The following RHAG variants were observed in gnomAD, a reference collection of about 807,000 sequenced individuals.
RHAG encodes the protein ammonium transporter Rh type A.
Under a neutral mutation model 42.4 loss-of-function variants are expected in RHAG, and 25 were observed. The observed-to-expected ratio is 0.59, with a 90% CI of 0.43 to 0.82. RHAG has a LOEUF of 0.82. Ranked by LOEUF, RHAG falls within the 40% of genes least tolerant of loss-of-function variation. The probability of loss-of-function intolerance (pLI) is 0.00; values close to 1 mark genes in which losing one functional copy is unlikely to be tolerated. For synonymous variants in RHAG, 182 were observed against 177.7 expected, an observed-to-expected ratio of 1.02 and a Z score of -0.19; for missense variants, 483 against 504.6, an observed-to-expected ratio of 0.96 and a Z score of 0.41.
rs899670868 is a variant in RHAG at position 49,618,085 on chromosome 6, C to T, written c.475G>A (p.Val159Ile). 6.8e-6 allele frequency: 11 copies of T among 1,613,856 alleles called. No individual in the cohort carries two copies. The highest frequency in any genetic ancestry group is 2.7e-5 in the African/African-American group (2 of 75,016). ...ACTCTTACCTTAAATATTTCACTAA[C>T]CAGGTATTCATTGTGGGCAAAGAAA... ...IVFFAHNEYLVSEIFKASDIG... is the reference protein window; with the variant it reads ...IVFFAHNEYLISEIFKASDIG... The change falls in exon 3 of 10, where the codon GTT becomes ATT. Residue 159 changes from valine to isoleucine, a missense_variant. Physicochemically the swap from Val to Ile is conservative, Grantham distance 29. Transcript: ENST00000371175.
At chr6:49,616,846 A>G (rs1762665018) in intron 3 of RHAG, among the ~76,000 whole-genome samples, 1 of 152,176 alleles carries the variant, frequency 6.6e-6, no homozygotes, top group Admixed American at 6.5e-5. Flanking sequence ...AGCAACACTT[A>G]GTCCCTTCCC....
intron 1 of RHAG, among the ~76,000 whole-genome samples, chr6:49,629,801 C>T (rs1273410181): frequency 6.6e-6 from 1 of 152,190 alleles, no homozygotes; most frequent in Non-Finnish European, 1.5e-5. Context: ...GTGCTAAGTC[C>T]CTCATTGCCC....
Position 49,636,738 on chromosome 6 carries a change from C to T in RHAG, c.75G>A (p.Glu25=). The change falls in exon 1 of 10, where the codon GAG becomes GAA. Residue 25 remains glutamate (E), a synonymous_variant. Transcript: ENST00000371175. ...CGAGAACAGTCTGGTCCGTTTCATA[C>T]TCAACAAATAATCCAAATAAAACAA... The part of the protein sequence containing the change: ...AMIVLFGLFV[E]YETDQTVLEQ... The T allele has an allele frequency of 6.2e-7, 1 of 1,613,960 alleles. No individual in the cohort carries two copies.
chr6:49,627,555 G>A (rs114430433), intron 1 of RHAG, among the ~76,000 whole-genome samples: 33,399 of 151,978 alleles, frequency 0.22, 4,452 homozygotes, highest in East Asian at 0.36. Flanking sequence ...TCACATTTTC[G>A]GGTATCTTTA....
chr6:49,627,699 G>C (rs1470273141), intron 1 of RHAG, among the ~76,000 whole-genome samples: 3 of 152,198 alleles, frequency 2.0e-5, no homozygotes, highest in African/African-American at 4.8e-5. Flanking sequence ...TGGCTGGGGA[G>C]GCCTCACAAT....
At chr6:49,619,474 A>G in intron 1 of RHAG, 112 bp from the exon 2 acceptor site, 2 of 1,006,320 alleles carry the variant, frequency 2.0e-6, no homozygotes, top group African/African-American at 1.6e-5. Context: ...CACACTAGGA[A>G]AAGAGAGCAT....
chr6:49,626,210 C>T (rs1361077533), intron 1 of RHAG, among the ~76,000 whole-genome samples: 1 of 152,104 alleles, frequency 6.6e-6, no homozygotes, highest in Non-Finnish European at 1.5e-5. Context: ...CTCAAAAGTC[C>T]ACAGTTTCAT....
chr6:49,619,076 C>A (rs765058158), intron 2 of RHAG, 103 bp downstream of exon 2: 34 of 1,322,600 alleles, frequency 2.6e-5, no homozygotes, highest in Non-Finnish European at 3.6e-5. Flanking sequence ...ACCTGGTCAC[C>A]TCCCCAGTCC....
At position 49,636,795 on chromosome 6, in the gene RHAG, A is replaced by G; in HGVS notation, c.18T>C (p.Pro6=). 1 of 1,613,848 alleles carries G rather than the reference A, an allele frequency of 6.2e-7. No individual in the cohort carries two copies. The highest frequency in any genetic ancestry group is 8.5e-7 in the Non-Finnish European group (1 of 1,179,756). MRFTF[P]LMAIVLEIAM... ...CAATTTCCAGGACTATAGCCATGAG[A>G]GGGAATGTGAACCTCATGTTTGTGG... Residue 6 remains proline (P), a synonymous_variant, in exon 1 of 10, where the codon CCT becomes CCC. Transcript: ENST00000371175.
intron 7 of RHAG, among the ~76,000 whole-genome samples, chr6:49,609,794 C>A: frequency 6.6e-6 from 1 of 152,166 alleles, no homozygotes; most frequent in Non-Finnish European, 1.5e-5. Context: ...TTATGCACCT[C>A]TAGTTAGTGA....
At chr6:49,606,231 A>G (rs904184227) in intron 9 of RHAG, among the ~76,000 whole-genome samples, 1 of 152,120 alleles carries the variant, frequency 6.6e-6, no homozygotes, top group African/African-American at 2.4e-5. Context: ...GCTTTTGACT[A>G]CTTTTATGTA....
At chr6:49,627,794 A>C (rs1762864361) in intron 1 of RHAG, among the ~76,000 whole-genome samples, 1 of 152,052 alleles carries the variant, frequency 6.6e-6, no homozygotes, top group Non-Finnish European at 1.5e-5. Context: ...CCCCTTTATA[A>C]AACCATCAGA....
intron 1 of RHAG, among the ~76,000 whole-genome samples, chr6:49,624,564 C>G (rs1762813145): frequency 6.6e-6 from 1 of 152,192 alleles, no homozygotes; most frequent in Admixed American, 6.5e-5. Context: ...TCTATGCTAG[C>G]TAGTAGTTTA....
chr6:49,612,253 A>G (rs1022807598), intron 6 of RHAG, 144 bp downstream of exon 6: 14 of 792,654 alleles, frequency 1.8e-5, no homozygotes, highest in Non-Finnish European at 2.8e-5. Context: ...CTGAAATGGG[A>G]GTGGTATTTC....
In RHAG at chr6:49,614,704, G is replaced by T; in HGVS notation, c.790C>A (p.Arg264=). 1.9e-6 allele frequency: 3 copies of T among 1,613,774 alleles called. No individual in the cohort carries two copies. The highest frequency in any genetic ancestry group is 1.1e-5 in the South Asian group (1 of 91,052). The part of the protein sequence containing the change: ...AFAFSSLVEH[R]GKLNMVHIQN... ...GCACTTACCATGTTGAGCTTGCCTC[G>T]GTGCTCCACTAGGCTGGAGAAGGCA... Residue 264 remains arginine (R), a synonymous_variant, in exon 5 of 10, where the codon CGA becomes AGA. Transcript: ENST00000371175.
intron 5 of RHAG, among the ~76,000 whole-genome samples, chr6:49,614,002 C>T (rs1343123883): frequency 6.6e-6 from 1 of 152,140 alleles, no homozygotes; most frequent in Non-Finnish European, 1.5e-5. Context: ...CATCATCCCA[C>T]TCTCTTTTTC....
chr6:49,606,990 T>A, intron 8 of RHAG, 69 bp from the exon 9 acceptor site: 1 of 1,205,632 alleles, frequency 8.3e-7, no homozygotes, highest in East Asian at 2.4e-5. Flanking sequence ...CATAGTAGCT[T>A]ATATACTATT....
rs538784429 is a variant in RHAG at position 49,636,599 on chromosome 6, A to G, written c.157+57T>C. 84 of 1,552,180 alleles carry G rather than the reference A, an allele frequency of 5.4e-5. No individual in the cohort carries two copies. The Middle Eastern group carries it at 1.0e-3, about 19-fold the overall frequency. On this transcript the variant is annotated intron_variant, in intron 1 of 9. Transcript: ENST00000371175. ...GGTTTATAGTATTCAATTGTTTTACATTCTGAGAAACCGAAGAACCGAAAA... is the reference window on the plus strand; with the variant it reads ...GGTTTATAGTATTCAATTGTTTTACGTTCTGAGAAACCGAAGAACCGAAAA...
intron 1 of RHAG, among the ~76,000 whole-genome samples, chr6:49,623,084 C>A (rs1762791166): frequency 1.3e-5 from 2 of 152,146 alleles, no homozygotes; most frequent in African/African-American, 4.8e-5. Context: ...GTGATCCGCC[C>A]GCCTCGGCCT....
Sources: gnomAD v4.1 joint callset for allele counts (sites outside exome capture counted in the v4.1 genomes callset) on GRCh38, gnomAD v4.1.1 for gene constraint, MANE v1.5 for transcripts, NCBI Gene and HGNC (gene_info 2026-07-23, HGNC 2026-07-21) for gene names.